Variants in SLC20A2 observed in about 807,000 individuals in gnomAD.
SLC20A2 encodes the protein solute carrier family 20 member 2.
Under a neutral mutation model 61.0 loss-of-function variants are expected in SLC20A2, and 30 were observed. The observed-to-expected ratio is 0.49, with a 90% CI of 0.37 to 0.67. SLC20A2 has a LOEUF of 0.67. Ranked by LOEUF, SLC20A2 falls within the 30% of genes least tolerant of loss-of-function variation. The pLI is 0.00. For synonymous variants in SLC20A2, 351 were observed against 353.3 expected (o/e 0.99, Z 0.07); for missense variants, 626 against 866.4 (o/e 0.72, Z 3.48).
At chr8:42,506,500 G>A (rs1431152796) in intron 1 of SLC20A2, among the ~76,000 whole-genome samples, 1 of 152,192 alleles carries the variant, frequency 6.6e-6, no homozygotes, top group Non-Finnish European at 1.5e-5. Context: ...GCAGCAGTAT[G>A]GTACTTGCTG....
At chr8:42,504,851 T>TTAAAAAAAAAA (rs1810549155), upstream of SLC20A2, among the ~76,000 whole-genome samples, 1 of 5,848 alleles carries the variant, frequency 1.7e-4, no homozygotes, top group Non-Finnish European at 3.9e-4. Context: ...AGACTCCGTC[T>TTAAAAAAAAAA]CAAAAAAAAA....
In SLC20A2 at chr8:42,417,662, G is replaced by T; in HGVS notation, c.*141C>A. ...GCCTGGGTGAACAGTGTGGGATGGA[G>T]CCTCCTGGAAGGGAGGCAGAGAGCT... On this transcript the variant is annotated 3_prime_UTR_variant, in exon 11 of 11. Coordinates refer to ENST00000520262, the MANE Select transcript of SLC20A2 (RefSeq NM_001257180.2). 1.2e-6 allele frequency: 1 copy of T among 852,200 alleles called. No individual in the cohort carries two copies. 52.8% of individuals were successfully genotyped at this position (852,200 alleles called of 1,614,324 possible).
intron 1 of SLC20A2, chr8:42,538,236 A>G (rs1267932773): frequency 6.7e-6 from 1 of 148,360 alleles, no homozygotes; most frequent in African/African-American, 2.4e-5. Flanking sequence ...TATATTATAT[A>G]TATTATATAT....
At chr8:42,539,514 CAA>C (rs1812925617) in intron 1 of SLC20A2, among the ~76,000 whole-genome samples, 1 of 152,224 alleles carries the variant, frequency 6.6e-6, no homozygotes, top group Non-Finnish European at 1.5e-5. Context: ...CTTAGACACA[CAA>C]ATCTTTCACA....
At chr8:42,530,971 C>T (rs919900143) in intron 1 of SLC20A2, among the ~76,000 whole-genome samples, 26 of 152,262 alleles carry the variant, frequency 1.7e-4, no homozygotes, top group Middle Eastern at 3.4e-3. Context: ...CTGCCCGCCT[C>T]GGCCTCCCAA....
At chr8:42,541,656 G>GCCGCTCA (rs1178637383) in intron 1 of SLC20A2, 2 of 149,824 alleles carry the variant, frequency 1.3e-5, no homozygotes, top group Non-Finnish European at 3.0e-5. Flanking sequence ...GGGGTAAAGA[G>GCCGCTCA]CCCCGGAGCG....
chr8:42,533,452 C>T (rs564688969), intron 1 of SLC20A2, among the ~76,000 whole-genome samples: 1 of 152,040 alleles, frequency 6.6e-6, no homozygotes, highest in African/African-American at 2.4e-5. Flanking sequence ...CCCGTCTCTA[C>T]TAAAAATACA....
intron 5 of SLC20A2, among the ~76,000 whole-genome samples, chr8:42,453,290 T>C (rs76805007): frequency 0.015 from 2,314 of 152,334 alleles, 67 homozygotes; most frequent in African/African-American, 0.054. Context: ...TTTTATTTCC[T>C]AAAGTTATTT....
At chr8:42,421,800 C>T (rs1371491572) in intron 10 of SLC20A2, among the ~76,000 whole-genome samples, 1 of 150,910 alleles carries the variant, frequency 6.6e-6, no homozygotes, top group African/African-American at 2.4e-5. Context: ...AGTGAAACTC[C>T]GTCTCAAAAA....
At chr8:42,476,823 C>T (rs922962436) in intron 1 of SLC20A2, among the ~76,000 whole-genome samples, 9 of 152,200 alleles carry the variant, frequency 5.9e-5, no homozygotes, top group African/African-American at 2.2e-4. Context: ...ACATTCATTT[C>T]TCCTGCGTGG....
chr8:42,490,352 C>T (rs1386001255), intron 1 of SLC20A2, among the ~76,000 whole-genome samples: 1 of 152,164 alleles, frequency 6.6e-6, no homozygotes, highest in Non-Finnish European at 1.5e-5. Context: ...AATCCCAACA[C>T]TTTGAGAGGC....
chr8:42,439,187 C>G (rs922700167), intron 7 of SLC20A2, among the ~76,000 whole-genome samples: 5 of 152,238 alleles, frequency 3.3e-5, no homozygotes, highest in Admixed American at 2.6e-4. Flanking sequence ...GGGTGCAGCA[C>G]AGACATACAG....
chr8:42,511,350 C>T (rs1446380083), intron 1 of SLC20A2, among the ~76,000 whole-genome samples: 1 of 151,988 alleles, frequency 6.6e-6, no homozygotes, highest in Non-Finnish European at 1.5e-5. Context: ...CACTTTTGGC[C>T]AGGCGCAGTG....
At chr8:42,522,782 A>T (rs1811659611) in intron 1 of SLC20A2, among the ~76,000 whole-genome samples, 1 of 150,980 alleles carries the variant, frequency 6.6e-6, no homozygotes, top group African/African-American at 2.4e-5. Context: ...ATGGCTCACT[A>T]CACCCTTGAA....
At chr8:42,514,805 G>T (rs1811235979) in intron 1 of SLC20A2, among the ~76,000 whole-genome samples, 1 of 151,462 alleles carries the variant, frequency 6.6e-6, no homozygotes, top group Non-Finnish European at 1.5e-5. Context: ...AAACATGCAC[G>T]TATGTCAAAA....
At chr8:42,440,457 T>C (rs974499600) in intron 6 of SLC20A2, among the ~76,000 whole-genome samples, 7 of 152,258 alleles carry the variant, frequency 4.6e-5, no homozygotes, top group African/African-American at 1.7e-4. Flanking sequence ...CGTTGTTACA[T>C]GGATCAATAA....
upstream of SLC20A2, among the ~76,000 whole-genome samples, chr8:42,504,223 G>A (rs1401589041): frequency 6.6e-6 from 1 of 152,212 alleles, no homozygotes; most frequent in African/African-American, 2.4e-5. Flanking sequence ...TCACAGGCAT[G>A]AACTACTGCC....
At chr8:42,533,922 C>T (rs1040753020) in intron 1 of SLC20A2, among the ~76,000 whole-genome samples, 2 of 149,250 alleles carry the variant, frequency 1.3e-5, no homozygotes, top group African/African-American at 5.0e-5. Flanking sequence ...CCTCTCACGC[C>T]ACCATGCCCG....
chr8:42,478,231 A>AG (rs1192828843), intron 1 of SLC20A2, among the ~76,000 whole-genome samples: 1 of 56,174 alleles, frequency 1.8e-5, no homozygotes, highest in East Asian at 5.1e-4. Flanking sequence ...TTTTTTTTTG[A>AG]GATGTAGTCT....
Sources: gnomAD v4.1 joint callset for allele counts (sites outside exome capture counted in the v4.1 genomes callset) on GRCh38, gnomAD v4.1.1 for gene constraint, MANE v1.5 for transcripts, NCBI Gene and HGNC (gene_info 2026-07-23, HGNC 2026-07-21) for gene names.